DNAH1: variants seen among roughly 807,000 people sequenced by gnomAD.
DNAH1 encodes dynein axonemal heavy chain 1, also known as axonemal beta dynein heavy chain 1.
In DNAH1, 327 loss-of-function variants were observed where a neutral mutation model predicts 484.3. The observed-to-expected ratio is 0.68, with a 90% confidence interval of 0.62 to 0.74. The LOEUF (loss-of-function observed/expected upper bound fraction) is 0.74. DNAH1 is among the 30% of genes least tolerant of loss of function. DNAH1 has a pLI of 0.00. For missense variants in DNAH1, 5,052 were observed against 5,546.8 expected, an observed-to-expected ratio of 0.91 and a Z score of 2.83; for synonymous variants, 2,192 against 2,191.9, an observed-to-expected ratio of 1.00 and a Z score of 0.00.
intron 37 of DNAH1, among the ~76,000 whole-genome samples, chr3:52,369,507 T>C (rs1703226351): frequency 6.6e-6 from 1 of 152,088 alleles, no homozygotes; most frequent in South Asian, 2.1e-4. Flanking sequence ...TGCACAGGGG[T>C]GGAGGGCTCT....
In DNAH1 at chr3:52,358,112, A is replaced by T. The variant is rs1011040886; in HGVS notation, c.4086+109A>T. 6 of 889,298 alleles carry T rather than the reference A, an allele frequency of 6.7e-6. No individual in the cohort carries two copies. The East Asian group carries it at 1.6e-4, about 24-fold the overall frequency. 55.1% of individuals were successfully genotyped at this position (889,298 alleles called of 1,614,324 possible). Reference sequence around the variant, plus strand: ...TTTAGCAGGAAATGTGGCAAATGACATTCCTGGTCTTTGGAGACACACCTG... The same window carrying T: ...TTTAGCAGGAAATGTGGCAAATGACTTTCCTGGTCTTTGGAGACACACCTG... On this transcript the variant is annotated intron_variant, in intron 24 of 77. Transcript: ENST00000420323. This position sits in a 1 kb window ranked among gnomAD's most constrained non-coding sequence, Gnocchi z 4.2.
chr3:52,384,512 G>A (rs1210358870), intron 52 of DNAH1, among the ~76,000 whole-genome samples: 1 of 152,190 alleles, frequency 6.6e-6, no homozygotes, highest in Non-Finnish European at 1.5e-5. Context: ...GCCAAGAGCT[G>A]GGAGACAGCT....
At chr3:52,371,826 C>T (rs1463965708) in intron 41 of DNAH1, 120 bp from the exon 42 acceptor site, 2 of 1,438,150 alleles carry the variant, frequency 1.4e-6, no homozygotes, top group Non-Finnish European at 1.9e-6. Context: ...TGCACCTGGA[C>T]CCGCTTGCCA....
rs188155252 is a variant in DNAH1, at chr3:52,366,801, C to T, written c.5679C>T (p.Tyr1893=). The T allele has an allele frequency of 4.9e-5, 79 of 1,613,902 alleles. No individual in the cohort carries two copies. In the African/African-American group the frequency reaches 7.3e-4, roughly 15 times the overall value. Residue 1893 remains tyrosine (Y), a synonymous_variant, in exon 36 of 78, where the codon TAC becomes TAT. Coordinates refer to ENST00000420323, the MANE Select transcript of DNAH1 (RefSeq NM_015512.5). The part of the protein sequence containing the change: ...KGQPSISGGM[Y]EAVNYYVLNP... ...AGCCATCCATCAGTGGTGGCATGTACGAGGCTGTCAACTACTACGTGCTCA... is the reference window on the plus strand; with the variant it reads ...AGCCATCCATCAGTGGTGGCATGTATGAGGCTGTCAACTACTACGTGCTCA...
Position 52,353,598 on chromosome 3 carries a change from G to A in DNAH1, c.3445G>A (p.Ala1149Thr), listed in dbSNP as rs1335378451. 4 of 1,607,946 alleles carry A rather than the reference G, an allele frequency of 2.5e-6. No homozygotes were observed. The highest frequency in any genetic ancestry group is 3.4e-6 in the Non-Finnish European group (4 of 1,177,482). ...QDHIESISKVAEVAGKEYAIE... is the reference protein window; with the variant it reads ...QDHIESISKVTEVAGKEYAIE... ...CCATATCGAGAGCATCAGCAAGGTG[G>A]CTGAGGTGGCTGGCAAGGAGTACGC... Residue 1149 changes from alanine to threonine, a missense_variant, in exon 20 of 78, where the codon GCT becomes ACT. Coordinates refer to ENST00000420323, the MANE Select transcript of DNAH1 (RefSeq NM_015512.5). This position sits in a 1 kb window ranked among gnomAD's most constrained non-coding sequence, Gnocchi z 5.0.
intron 77 of DNAH1, 96 bp downstream of exon 77, chr3:52,399,875 A>G: frequency 1.5e-6 from 2 of 1,297,044 alleles, no homozygotes; most frequent in Non-Finnish European, 2.2e-6. Flanking sequence ...TAGCTGAACA[A>G]GGAAGGACAA....
chr3:52,312,775 CCCGA>C (rs1302030944), upstream of DNAH1, among the ~76,000 whole-genome samples: 1 of 152,166 alleles, frequency 6.6e-6, no homozygotes, highest in Non-Finnish European at 1.5e-5. Context: ...GCCTCAGCCT[CCCGA>C]GTAGCTGGGA....
chr3:52,338,096 A>G (rs1559500582), intron 8 of DNAH1, among the ~76,000 whole-genome samples: 1 of 152,038 alleles, frequency 6.6e-6, no homozygotes, highest in Non-Finnish European at 1.5e-5. Context: ...GCTCAGCTCT[A>G]CTTAATTAAT....
At chr3:52,348,843 C>T in intron 12 of DNAH1, 45 bp from the exon 13 acceptor site, 6 of 1,593,604 alleles carry the variant, frequency 3.8e-6, no homozygotes, top group African/African-American at 1.3e-5. Flanking sequence ...TCATTCACCC[C>T]CTGGCTCATC....
rs535141420 is a variant in DNAH1 at position 52,392,776 on chromosome 3, C to A, written c.10279-54C>A. The A allele has an allele frequency of 4.5e-6, 7 of 1,559,126 alleles. No individual in the cohort carries two copies. In the East Asian group the frequency reaches 6.8e-5, roughly 15 times the overall value. ...CCCTGCCTGCCCTAGGCCTGCCCCCCAAACCCCCTACCTTCTGCTCTTTGA... is the reference window on the plus strand; with the variant it reads ...CCCTGCCTGCCCTAGGCCTGCCCCCAAAACCCCCTACCTTCTGCTCTTTGA... On this transcript the variant is annotated intron_variant, in intron 64 of 77. Coordinates refer to ENST00000420323, the MANE Select transcript of DNAH1 (RefSeq NM_015512.5).
At position 52,349,864 on chromosome 3, in the gene DNAH1, G is replaced by T. The variant is rs558986325; in HGVS notation, c.2527-125G>T. The T allele has an allele frequency of 4.2e-4, 583 of 1,381,888 alleles. 2 individuals are homozygous for T. In the Middle Eastern group the frequency reaches 0.014, roughly 33 times the overall value. The allele number at this position is 1,381,888 out of a possible 1,614,324, so 85.6% of individuals were successfully genotyped here. A position where few individuals can be genotyped will look rare whatever the true frequency, so the allele number is the denominator to read the frequency against. On this transcript the variant is annotated intron_variant, in intron 14 of 77. Transcript: ENST00000420323. Reference sequence around the variant, plus strand: ...AGGAGCACCCCTCTTGGAAAGCGCCGCAGGATGTTGTGGTGGAGGGGACAG... The same window carrying T: ...AGGAGCACCCCTCTTGGAAAGCGCCTCAGGATGTTGTGGTGGAGGGGACAG...
At chr3:52,324,709 C>A (rs1311711171) in intron 3 of DNAH1, among the ~76,000 whole-genome samples, 1 of 152,192 alleles carries the variant, frequency 6.6e-6, no homozygotes, top group Admixed American at 6.5e-5. Flanking sequence ...TTCCAACAGT[C>A]TCACAAGTAT....
In DNAH1 at chr3:52,347,993, G is replaced by A; in HGVS notation, c.2106+19G>A. On this transcript the variant is annotated intron_variant, in intron 12 of 77. Coordinates refer to ENST00000420323, the MANE Select transcript of DNAH1 (RefSeq NM_015512.5). ...GGAGAAGGTACGTGCTGCAGCCTGAGCAGGCCCCAGGCACCTGCTGCCCTG... is the reference window on the plus strand; with the variant it reads ...GGAGAAGGTACGTGCTGCAGCCTGAACAGGCCCCAGGCACCTGCTGCCCTG... 6.3e-7 allele frequency: 1 copy of A among 1,594,940 alleles called. No homozygotes were observed. The highest frequency in any genetic ancestry group is 8.5e-7 in the Non-Finnish European group (1 of 1,170,418).
intron 2 of DNAH1, among the ~76,000 whole-genome samples, chr3:52,322,984 C>A (rs1209936788): frequency 6.6e-6 from 1 of 152,228 alleles, no homozygotes; most frequent in Non-Finnish European, 1.5e-5. Context: ...TCTGTCCATT[C>A]ATTCGACAAC....
Position 52,378,767 on chromosome 3 carries a change from C to T in DNAH1, c.7364C>T (p.Pro2455Leu), listed in dbSNP as rs369689398. The T allele has an allele frequency of 9.3e-6, 15 of 1,613,522 alleles. No homozygotes were observed. The highest frequency in any genetic ancestry group is 1.6e-4 in the Middle Eastern group (1 of 6,082). The change falls in exon 47 of 78, where the codon CCG becomes CTG. Residue 2455 changes from proline to leucine, a missense_variant. Pro to Leu is a moderately conservative substitution (Grantham distance 98). This residue lies in a region of DNAH1 where 2,929 missense variants were observed against 3,409.4 expected (regional missense o/e 0.86). Transcript: ENST00000420323. ...KVFQGMLMAD[P>L]AKVEDQVQLL... is the part of the protein sequence containing the mutation. ...TTCCAAGGCATGCTCATGGCTGACC[C>T]GGCCAAGGTCGAGGTGAGGACCAGG...
chr3:52,350,315 G>A (rs930226688), intron 15 of DNAH1, among the ~76,000 whole-genome samples, 193 bp from the exon 16 acceptor site: 4 of 152,084 alleles, frequency 2.6e-5, no homozygotes, highest in Non-Finnish European at 4.4e-5. Context: ...GAAGCTGGAG[G>A]TGTGGCAGCC....
rs201948157 is a variant in DNAH1, at chr3:52,363,055, C to T, written c.5155C>T (p.Leu1719Phe). Reference protein sequence around the residue: ...PDYAMITEISLYSFGFNEASV... With the variant: ...PDYAMITEISFYSFGFNEASV... Reference sequence around the variant, plus strand: ...TTACGCCATGATCACTGAGATCTCCCTCTATTCCTTTGGCTTTAATGAGGC... The same window carrying T: ...TTACGCCATGATCACTGAGATCTCCTTCTATTCCTTTGGCTTTAATGAGGC... Residue 1719 changes from leucine (L) to phenylalanine (F), a missense_variant, in exon 32 of 78, where the codon CTC becomes TTC. Coordinates refer to ENST00000420323, the MANE Select transcript of DNAH1 (RefSeq NM_015512.5). The T allele has an allele frequency of 2.3e-4, 373 of 1,614,018 alleles. 2 individuals are homozygous for T. The African/African-American group carries it at 4.7e-3, about 20-fold the overall frequency.
chr3:52,317,608 T>G (rs1464830687), intron 1 of DNAH1, among the ~76,000 whole-genome samples: 2 of 152,222 alleles, frequency 1.3e-5, no homozygotes, highest in Non-Finnish European at 2.9e-5. Context: ...TTTCGCTGCT[T>G]ACTCTAAAAG....
At chr3:52,317,199 A>G (rs1700978225) in intron 1 of DNAH1, among the ~76,000 whole-genome samples, 1 of 152,200 alleles carries the variant, frequency 6.6e-6, no homozygotes, top group Non-Finnish European at 1.5e-5. Context: ...TGATACAACC[A>G]CAGTAGCATT....
Sources: allele counts gnomAD v4.1 joint callset (sites outside exome capture counted in the v4.1 genomes callset), GRCh38; gene constraint gnomAD v4.1.1; regional missense constraint gnomAD v4.1.1; non-coding constraint Gnocchi (gnomAD v3.1); transcripts MANE v1.5; gene names NCBI Gene and HGNC (gene_info 2026-07-23, HGNC 2026-07-21).